Variants in BOK observed in about 807,000 individuals in gnomAD.
BOK encodes the protein BCL2 family apoptosis regulator BOK.
Under a neutral mutation model 18.3 loss-of-function variants are expected in BOK, and 20 were observed. The observed-to-expected ratio is 1.09, with a 90% CI of 0.77 to 1.59. The LOEUF is 1.59. Among genes scored for constraint, BOK ranks in the 40% most tolerant of loss-of-function variants. BOK has a pLI of 0.00. For missense variants in BOK, 348 were observed against 307.9 expected (o/e 1.13, Z -0.97); for synonymous variants, 173 against 142.4 (o/e 1.21, Z -1.53).
rs1024396307 is a variant in BOK, at chr2:241,572,282, C to T, written c.514-15C>T. The T allele has an allele frequency of 2.0e-5, 32 of 1,608,990 alleles. No individual in the cohort carries two copies. The highest frequency in any genetic ancestry group is 2.3e-5 in the Non-Finnish European group (27 of 1,178,548). Reference sequence around the variant, plus strand: ...GCTGGCTCTGCTTTCTAACGGTCTCCCTCTTCCCTCCCAGACTGATGTCCT... The same window carrying T: ...GCTGGCTCTGCTTTCTAACGGTCTCTCTCTTCCCTCCCAGACTGATGTCCT... On this transcript the variant is annotated splice_polypyrimidine_tract_variant and intron_variant, in intron 4 of 4. Transcript: ENST00000318407.
rs2066544604 is a variant in BOK, at chr2:241,562,476, G to A, written c.349G>A (p.Gly117Ser). 2 of 1,607,842 alleles carry A rather than the reference G, an allele frequency of 1.2e-6. No individual in the cohort carries two copies. The highest frequency in any genetic ancestry group is 8.5e-7 in the Non-Finnish European group (1 of 1,177,986). Residue 117 changes from glycine to serine, a missense_variant and splice_region_variant, in exon 3 of 5, where the codon GGC (glycine) becomes AGC (serine). Physicochemically the swap from Gly to Ser is moderately conservative, Grantham distance 56 (BLOSUM62 0). Transcript: ENST00000318407. This position sits in a 1 kb window ranked among gnomAD's most constrained non-coding sequence, Gnocchi z 4.5. ...LAVAGHIFSAGITWGKVVSLY... is the reference protein window; with the variant it reads ...LAVAGHIFSASITWGKVVSLY... ...CGTGGCTGGCCACATCTTCTCTGCA[G>A]GTATGCCCAGCCTGCCCGTCCCATG...
chr2:241,562,448 G>T lies in BOK; in HGVS notation c.321G>T (p.Leu107=). The T allele has an allele frequency of 6.2e-7, 1 of 1,611,604 alleles. No individual in the cohort carries two copies. Residue 107 remains leucine (L), a synonymous_variant, in exon 3 of 5, where the codon CTG becomes CTT. Transcript: ENST00000318407. This position sits in a 1 kb window ranked among gnomAD's most constrained non-coding sequence, Gnocchi z 4.5. ...QSEPVVTDAF[L]AVAGHIFSAG... ...AGCCTGTGGTGACCGATGCGTTCCT[G>T]GCCGTGGCTGGCCACATCTTCTCTG...
intron 3 of BOK, among the ~76,000 whole-genome samples, chr2:241,569,655 G>A (rs973223835): frequency 2.0e-5 from 3 of 151,676 alleles, no homozygotes; most frequent in East Asian, 2.0e-4. Flanking sequence ...TCTTTCCCCC[G>A]CTGTCACCAT....
At chr2:241,554,865 C>T (rs1457698006), upstream of BOK, among the ~76,000 whole-genome samples, 6 of 152,208 alleles carry the variant, frequency 3.9e-5, no homozygotes, top group African/African-American at 1.4e-4. Flanking sequence ...GGGCTGGTAT[C>T]AGCGCTCAGA....
intron 1 of BOK, among the ~76,000 whole-genome samples, chr2:241,553,613 G>A (rs13389477): frequency 0.33 from 50,421 of 151,978 alleles, 8,875 homozygotes; most frequent in African/African-American, 0.43. Flanking sequence ...AGAGTGAAGC[G>A]GAAGGTGCCA....
At chr2:241,560,231 A>G in intron 2 of BOK, 3 of 985,442 alleles carry the variant, frequency 3.0e-6, no homozygotes, top group Non-Finnish European at 3.6e-6. Flanking sequence ...CTGGGGTCAC[A>G]CACGGTCCAC....
chr2:241,560,237 T>C (rs2066506777), intron 2 of BOK: 1 of 985,392 alleles, frequency 1.0e-6, no homozygotes. Context: ...TCACACACGG[T>C]CCACTGGCTG....
intron 3 of BOK, among the ~76,000 whole-genome samples, chr2:241,565,015 C>T (rs555545044): frequency 6.6e-6 from 1 of 152,218 alleles, no homozygotes; most frequent in Non-Finnish European, 1.5e-5. Flanking sequence ...TCTGGGAGGG[C>T]ACCTGGGGGC....
At chr2:241,553,068 G>A (rs767332894) in intron 1 of BOK, among the ~76,000 whole-genome samples, 5 of 152,226 alleles carry the variant, frequency 3.3e-5, no homozygotes, top group African/African-American at 4.8e-5. Flanking sequence ...TGCTGCCACC[G>A]ACCCCCGTGG....
At chr2:241,567,496 ACAT>A (rs1222529266) in intron 3 of BOK, among the ~76,000 whole-genome samples, 1 of 135,282 alleles carries the variant, frequency 7.4e-6, no homozygotes, top group Non-Finnish European at 1.6e-5. Context: ...CGCAGTGCTG[ACAT>A]CAGGCTCCGC....
chr2:241,568,841 T>G (rs1012528101), intron 3 of BOK, among the ~76,000 whole-genome samples: 1 of 152,136 alleles, frequency 6.6e-6, no homozygotes, highest in Non-Finnish European at 1.5e-5. Context: ...GACTGAGTGT[T>G]TGTTTGAGCT....
intron 1 of BOK, among the ~76,000 whole-genome samples, chr2:241,551,917 CGTGGG>C (rs2066416962): frequency 6.7e-6 from 1 of 148,268 alleles, no homozygotes. Context: ...GGGGGTGACC[CGTGGG>C]GTGGGGTGGG....
In BOK at chr2:241,552,589, T is replaced by TC. The variant is rs2066422454; in HGVS notation, n.54+1114dup. ...TGAGGCTGCCGCCGCTGCTGAACCC[T>TC]CCGTTCCCCGCCCCCGTCTCCTGTG... On this transcript the variant is annotated intron_variant and non_coding_transcript_variant, in intron 1 of 1. Coordinates refer to the BOK transcript ENST00000641230. Among the ~76,000 whole-genome samples the TC allele has an allele frequency of 2.0e-5, 3 of 152,274 alleles. No homozygotes were observed. In the South Asian group the frequency reaches 6.2e-4, roughly 32 times the overall value.
At chr2:241,551,819 G>A (rs1033049548) in intron 1 of BOK, among the ~76,000 whole-genome samples, 13 of 152,196 alleles carry the variant, frequency 8.5e-5, no homozygotes, top group South Asian at 6.2e-4. Flanking sequence ...CGACCGCAGC[G>A]AGGGTGGGCT....
chr2:241,564,525 T>TCCCACGCC (rs2066580872), intron 3 of BOK, among the ~76,000 whole-genome samples: 1 of 149,818 alleles, frequency 6.7e-6, no homozygotes, highest in Admixed American at 6.7e-5. Context: ...TGGGGGTGCA[T>TCCCACGCC]ATGGGTAGGG....
intron 1 of BOK, among the ~76,000 whole-genome samples, chr2:241,553,551 T>C (rs1328590116): frequency 6.6e-6 from 1 of 152,080 alleles, no homozygotes; most frequent in Non-Finnish European, 1.5e-5. Context: ...CTTACAATCA[T>C]GGCGGAGGGC....
chr2:241,556,695 C>T (rs563957013), upstream of BOK, among the ~76,000 whole-genome samples: 1 of 151,940 alleles, frequency 6.6e-6, no homozygotes, highest in East Asian at 1.9e-4. Flanking sequence ...AGTTCCATAG[C>T]TTTCCTAGCT....
intron 2 of BOK, among the ~76,000 whole-genome samples, chr2:241,560,685 G>A (rs1441824166): frequency 6.6e-6 from 1 of 152,244 alleles, no homozygotes; most frequent in African/African-American, 2.4e-5. Flanking sequence ...TTCAGAAGGA[G>A]GGAGAGGTCT....
At chr2:241,560,774 A>AC (rs1378737562) in intron 2 of BOK, among the ~76,000 whole-genome samples, 1 of 151,920 alleles carries the variant, frequency 6.6e-6, no homozygotes, top group Non-Finnish European at 1.5e-5. Flanking sequence ...TCTGAGAATG[A>AC]CCCTAGGGGA....
Sources: allele counts gnomAD v4.1 joint callset (sites outside exome capture counted in the v4.1 genomes callset), GRCh38; gene constraint gnomAD v4.1.1; non-coding constraint Gnocchi (gnomAD v3.1); transcripts MANE v1.5; gene names NCBI Gene and HGNC (gene_info 2026-07-23, HGNC 2026-07-21).